PRRC2C: variants seen among roughly 807,000 people sequenced by gnomAD.
PRRC2C encodes proline rich coiled-coil 2C.
In PRRC2C, 72 loss-of-function variants were observed where a neutral mutation model predicts 317.2. The observed-to-expected ratio is 0.23, with a 90% CI of 0.19 to 0.28. The LOEUF (loss-of-function observed/expected upper bound fraction) is 0.28. Among genes scored for constraint, PRRC2C ranks in the 10% least tolerant of loss-of-function variants. PRRC2C has a pLI of 1.00. For synonymous variants in PRRC2C, 1,296 were observed against 1,205.9 expected (o/e 1.07, Z -1.55); for missense variants, 3,074 against 3,459.7 (o/e 0.89, Z 2.80).
chr1:171,493,968 T>C (rs1667646264), intron 1 of PRRC2C, among the ~76,000 whole-genome samples: 1 of 152,230 alleles, frequency 6.6e-6, no homozygotes, highest in Non-Finnish European at 1.5e-5. Flanking sequence ...TTGGAGTAGA[T>C]ATTATAGCCC....
At position 171,577,446 on chromosome 1, in the gene PRRC2C, A is replaced by G; in HGVS notation, c.6968A>G (p.Tyr2323Cys). 6.2e-7 allele frequency: 1 copy of G among 1,606,470 alleles called. No homozygotes were observed. The highest frequency in any genetic ancestry group is 8.5e-7 in the Non-Finnish European group (1 of 1,173,656). The change falls in exon 26 of 35, where the codon TAC becomes TGC. Residue 2323 changes from tyrosine to cysteine, a missense_variant. By Grantham distance (194) the Tyr-to-Cys change is radical. Coordinates refer to ENST00000647382, the MANE Select transcript of PRRC2C (RefSeq NM_001387844.1). ...TCCCCAAATATAGGAGCTGGTACAT[A>G]CACTACCTCTTCTTTGAGCACAAAA... ...PTASLSGAGTYTTSSLSTKST... is the reference protein window; with the variant it reads ...PTASLSGAGTCTTSSLSTKST...
chr1:171,499,688 C>T (rs1488342945), intron 1 of PRRC2C, among the ~76,000 whole-genome samples: 1 of 152,110 alleles, frequency 6.6e-6, no homozygotes, highest in Non-Finnish European at 1.5e-5. Context: ...CCTGTAATCC[C>T]AGCTACTCTG....
At chr1:171,488,282 C>A (rs2102005399) in intron 1 of PRRC2C, among the ~76,000 whole-genome samples, 1 of 152,304 alleles carries the variant, frequency 6.6e-6, no homozygotes, top group East Asian at 1.9e-4. Context: ...AGTTATGACA[C>A]ACTTTCATTT....
chr1:171,569,575 A>ATATATATATATATATATATATAT (rs1684330118), intron 23 of PRRC2C, among the ~76,000 whole-genome samples: 5 of 60,146 alleles, frequency 8.3e-5, no homozygotes, highest in Admixed American at 1.8e-4. Flanking sequence ...AAGTGGTTTA[A>ATATATATATATATATATATATAT]ATATATATAT....
chr1:171,577,468 A>G lies in PRRC2C; in HGVS notation c.6990A>G (p.Thr2330=), dbSNP rs760710860. 2.5e-6 allele frequency: 4 copies of G among 1,612,592 alleles called. No individual in the cohort carries two copies. Among genetic ancestry groups the G allele is most frequent in the East Asian group, 2.2e-5 (1 of 44,846 alleles). ...CATACACTACCTCTTCTTTGAGCAC[A>G]AAATCTACAACCACATCGGACCCTC... The part of the protein sequence containing the change: ...AGTYTTSSLS[T]KSTTTSDPPN... Residue 2330 remains threonine (T), a synonymous_variant, in exon 26 of 35, where the codon ACA becomes ACG. Coordinates refer to ENST00000647382, the MANE Select transcript of PRRC2C (RefSeq NM_001387844.1).
chr1:171,518,153 A>C (rs1185680870), intron 6 of PRRC2C, among the ~76,000 whole-genome samples: 1 of 152,234 alleles, frequency 6.6e-6, no homozygotes, highest in Admixed American at 6.5e-5. Context: ...TTTTCATATC[A>C]CATTACATTC....
chr1:171,507,688 C>T (rs370565645), intron 1 of PRRC2C, among the ~76,000 whole-genome samples: 10 of 152,298 alleles, frequency 6.6e-5, no homozygotes, highest in South Asian at 4.1e-4. Flanking sequence ...GAAACAGGTA[C>T]TATTCCCAGC....
At chr1:171,538,093 G>A (rs1343170481) in intron 15 of PRRC2C, among the ~76,000 whole-genome samples, 1 of 152,026 alleles carries the variant, frequency 6.6e-6, no homozygotes, top group African/African-American at 2.4e-5. Context: ...GTAGAGACGG[G>A]GTTTCACCGT....
chr1:171,487,165 T>C (rs1457030545), intron 1 of PRRC2C, among the ~76,000 whole-genome samples: 1 of 152,186 alleles, frequency 6.6e-6, no homozygotes, highest in East Asian at 1.9e-4. Flanking sequence ...ATAAGTCCTT[T>C]TCATACATTT....
chr1:171,592,930 C>G lies in PRRC2C; in HGVS notation c.*1083C>G, dbSNP rs1395731741. On this transcript the variant is annotated 3_prime_UTR_variant, in exon 35 of 35. Transcript: ENST00000647382. The stretch of plus-strand genomic sequence containing the variant: ...AGATATAGGACAGTACTGTATCATA[C>G]CTCTGTGAATGTAAAATATCTTGTA... 1 of 151,998 alleles carries G rather than the reference C, an allele frequency of 6.6e-6. No individual in the cohort carries two copies. Among genetic ancestry groups the G allele is most frequent in the Middle Eastern group, 3.2e-3 (1 of 316 alleles). The allele number at this position is 151,998 out of a possible 1,614,324, so 9.4% of individuals were successfully genotyped here.
chr1:171,515,866 G>A lies in PRRC2C; in HGVS notation c.526+7G>A, dbSNP rs1251156816. Reference sequence around the variant, plus strand: ...CCCAGTTTACGTCCACCAAGTAAGAGTACTTTCTCTTTAATACAAAATGAG... The same window carrying A: ...CCCAGTTTACGTCCACCAAGTAAGAATACTTTCTCTTTAATACAAAATGAG... On this transcript the variant is annotated splice_region_variant and intron_variant, in intron 5 of 34. Coordinates refer to ENST00000647382, the MANE Select transcript of PRRC2C (RefSeq NM_001387844.1). 1.3e-6 allele frequency: 2 copies of A among 1,580,812 alleles called. No homozygotes were observed. Among genetic ancestry groups the A allele is most frequent in the African/African-American group, 1.4e-5 (1 of 72,926 alleles).
rs1017111237 is a variant in PRRC2C, at chr1:171,557,501, G to C, written c.5389G>C (p.Ala1797Pro). ...AGCCTCAACTTTAGCTCCAGTTCTG[G>C]CCTCAACCTCAGCTCCAGTTCCAGC... is the stretch of plus-strand genomic sequence containing the variant. ...VPASTLAPVL[A>P]STSAPVPASP... The change falls in exon 19 of 35, where the codon GCC becomes CCC. Residue 1797 changes from alanine to proline, a missense_variant. Coordinates refer to ENST00000647382, the MANE Select transcript of PRRC2C (RefSeq NM_001387844.1). The C allele has an allele frequency of 1.3e-6, 2 of 1,551,270 alleles. No individual in the cohort carries two copies. Among genetic ancestry groups the C allele is most frequent in the Non-Finnish European group, 1.7e-6 (2 of 1,146,900 alleles).
chr1:171,577,558 T>C lies in PRRC2C; in HGVS notation c.7080T>C (p.Phe2360=), dbSNP rs2102804829. The change falls in exon 26 of 35, where the codon TTT becomes TTC. Residue 2360 remains phenylalanine (F), a synonymous_variant. Coordinates refer to ENST00000647382, the MANE Select transcript of PRRC2C (RefSeq NM_001387844.1). ...GCAGCCTGCCTTCTGCAAGTCATTT[T>C]TCACAGTTAAGCTGTATGCCTTCCC... The part of the protein sequence containing the change: ...QTSSLPSASH[F]SQLSCMPSLI... 1 of 1,613,868 alleles carries C rather than the reference T, an allele frequency of 6.2e-7. No individual in the cohort carries two copies. The highest frequency in any genetic ancestry group is 1.1e-5 in the South Asian group (1 of 91,084).
chr1:171,580,266 T>G (rs1258046798), intron 28 of PRRC2C, among the ~76,000 whole-genome samples: 1 of 152,230 alleles, frequency 6.6e-6, no homozygotes, highest in African/African-American at 2.4e-5. Context: ...GTGTGCCATC[T>G]GGCTACCAAA....
chr1:171,513,327 T>A, intron 3 of PRRC2C, 155 bp downstream of exon 3: 1 of 861,530 alleles, frequency 1.2e-6, no homozygotes, highest in Non-Finnish European at 1.8e-6. Flanking sequence ...AACTTTTGGT[T>A]AATTTTCCCT....
chr1:171,558,465 A>G (rs1681887227), intron 19 of PRRC2C, among the ~76,000 whole-genome samples: 1 of 146,380 alleles, frequency 6.8e-6, no homozygotes, highest in African/African-American at 2.5e-5. Context: ...GTAACTGTCA[A>G]GCAAGTCTTC....
At chr1:171,543,579 G>A (rs1557965465) in intron 16 of PRRC2C, among the ~76,000 whole-genome samples, 2 of 152,114 alleles carry the variant, frequency 1.3e-5, no homozygotes, top group African/African-American at 4.8e-5. Context: ...TATTATGTGT[G>A]CCCTGCTTTT....
At position 171,541,292 on chromosome 1, in the gene PRRC2C, A is replaced by G; in HGVS notation, c.3826A>G (p.Ser1276Gly). ...ETDTDSEIHE[S>G]ASDKDSLSKG... is the part of the protein sequence containing the mutation. Reference sequence around the variant, plus strand: ...TGACACAGACAGTGAAATTCATGAAAGTGCAAGTGACAAGGACAGTTTAAG... The same window carrying G: ...TGACACAGACAGTGAAATTCATGAAGGTGCAAGTGACAAGGACAGTTTAAG... Residue 1276 changes from serine (S) to glycine (G), a missense_variant, in exon 16 of 35, where the codon AGT becomes GGT. This residue lies in a region of PRRC2C where 1,320 missense variants were observed against 1,395.7 expected (regional missense o/e 0.95). Coordinates refer to ENST00000647382, the MANE Select transcript of PRRC2C (RefSeq NM_001387844.1). The surrounding 1 kb of genome is among the most constrained non-coding windows in gnomAD (Gnocchi z 4.1). 6.2e-7 allele frequency: 1 copy of G among 1,614,038 alleles called. No individual in the cohort carries two copies. Among genetic ancestry groups the G allele is most frequent in the Non-Finnish European group, 8.5e-7 (1 of 1,179,892 alleles).
chr1:171,492,952 G>A (rs1232837725), intron 1 of PRRC2C, among the ~76,000 whole-genome samples: 2 of 151,748 alleles, frequency 1.3e-5, no homozygotes, highest in Non-Finnish European at 2.9e-5. Context: ...GGGTTTCACC[G>A]TGTTGGCCAG....
Sources: gnomAD v4.1 joint callset for allele counts (sites outside exome capture counted in the v4.1 genomes callset) on GRCh38, gnomAD v4.1.1 for gene constraint, gnomAD v4.1.1 regional missense constraint, Gnocchi (gnomAD v3.1) non-coding constraint, MANE v1.5 for transcripts, NCBI Gene and HGNC (gene_info 2026-07-23, HGNC 2026-07-21) for gene names.